Variants in DMC1 observed in about 807,000 individuals in gnomAD.
DMC1 encodes DNA meiotic recombinase 1.
A neutral mutation model predicts 50.1 loss-of-function variants in DMC1; 27 were observed. That is an observed-to-expected ratio of 0.54 (90% confidence interval 0.40 to 0.74). DMC1 has a LOEUF of 0.74. Among genes scored for constraint, DMC1 ranks in the 30% least tolerant of loss-of-function variants. The probability of loss-of-function intolerance (pLI) is 0.00; values close to 1 mark genes in which losing one functional copy is unlikely to be tolerated. For synonymous variants in DMC1, 148 were observed against 136.1 expected, an observed-to-expected ratio of 1.09 and a Z score of -0.61; for missense variants, 295 against 420.2, an observed-to-expected ratio of 0.70 and a Z score of 2.60.
At chr22:38,567,087 C>G (rs1569172979) in intron 3 of DMC1, among the ~76,000 whole-genome samples, 1 of 152,216 alleles carries the variant, frequency 6.6e-6, no homozygotes, top group African/African-American at 2.4e-5. Flanking sequence ...AACTTCATTA[C>G]CAACATGTTC....
chr22:38,520,388 G>A (rs753146481), intron 13 of DMC1, among the ~76,000 whole-genome samples: 2 of 150,356 alleles, frequency 1.3e-5, no homozygotes, highest in Admixed American at 6.6e-5. Flanking sequence ...TTTTTTTGGC[G>A]AAGTCTTGCT....
chr22:38,548,501 G>A (rs536368395), intron 8 of DMC1, among the ~76,000 whole-genome samples: 3 of 152,232 alleles, frequency 2.0e-5, no homozygotes, highest in Admixed American at 2.0e-4. Context: ...CTTGACCCTG[G>A]GAGTTCGAGT....
chr22:38,535,337 G>A (rs1270723889), intron 12 of DMC1, among the ~76,000 whole-genome samples: 3 of 150,754 alleles, frequency 2.0e-5, no homozygotes, highest in South Asian at 2.1e-4. Context: ...ACAAAAAACC[G>A]TATACACATA....
intron 12 of DMC1, among the ~76,000 whole-genome samples, chr22:38,537,207 CTTTTCTT>C (rs368102920): frequency 0.013 from 1,914 of 151,984 alleles, 8 homozygotes; most frequent in South Asian, 0.017. Flanking sequence ...TTTTTAAATT[CTTTTCTT>C]TTTTCTTTTT....
chr22:38,547,388 C>T (rs575922293), intron 8 of DMC1, among the ~76,000 whole-genome samples: 1 of 152,242 alleles, frequency 6.6e-6, no homozygotes, highest in African/African-American at 2.4e-5. Flanking sequence ...ATCTCTTTGC[C>T]TCTAATAGTG....
chr22:38,538,656 A>G (rs1053316108), intron 9 of DMC1, 44 bp from the exon 10 acceptor site: 4 of 1,514,120 alleles, frequency 2.6e-6, no homozygotes, highest in South Asian at 1.1e-5. Flanking sequence ...AGTTGAAAGA[A>G]GCAGAGGCTA....
intron 6 of DMC1, among the ~76,000 whole-genome samples, chr22:38,552,933 C>T (rs1452585023): frequency 1.3e-5 from 2 of 151,660 alleles, no homozygotes; most frequent in Non-Finnish European, 2.9e-5. Flanking sequence ...CTGCAACCTT[C>T]ACCTCCCGGG....
At chr22:38,545,245 C>T (rs900026329) in intron 8 of DMC1, among the ~76,000 whole-genome samples, 1 of 151,576 alleles carries the variant, frequency 6.6e-6, no homozygotes, top group African/African-American at 2.4e-5. Flanking sequence ...CCTATCTCTA[C>T]CAAAAAAATA....
chr22:38,542,077 T>C (rs2145883967), intron 8 of DMC1, among the ~76,000 whole-genome samples: 1 of 146,524 alleles, frequency 6.8e-6, no homozygotes, highest in South Asian at 2.2e-4. Flanking sequence ...ATAAAAACCA[T>C]ACACAACAGA....
In DMC1 at chr22:38,518,966, TTTTA is replaced by T. The variant is rs1452222770; in HGVS notation, c.*1050_*1053del. The T allele has an allele frequency of 6.6e-6, 1 of 152,650 alleles. No homozygotes were observed. Among genetic ancestry groups the T allele is most frequent in the Non-Finnish European group, 1.5e-5 (1 of 68,048 alleles). 9.5% of individuals were successfully genotyped at this position (152,650 alleles called of 1,614,324 possible). On this transcript the variant is annotated 3_prime_UTR_variant, in exon 14 of 14. Coordinates refer to ENST00000216024, the MANE Select transcript of DMC1 (RefSeq NM_007068.4). ...CCATACATGCATTTTGAAAACAGGA[TTTTA>T]TTTGTTTAACAATCAAAATAATATC...
chr22:38,532,962 C>T (rs1053667487), intron 12 of DMC1, among the ~76,000 whole-genome samples: 4 of 152,086 alleles, frequency 2.6e-5, no homozygotes, highest in Non-Finnish European at 5.9e-5. Context: ...AATATTGTTA[C>T]ATAGTAGATT....
intron 7 of DMC1, among the ~76,000 whole-genome samples, chr22:38,551,865 T>C (rs1039457139): frequency 6.3e-5 from 9 of 143,934 alleles, no homozygotes; most frequent in Non-Finnish European, 1.2e-4. Flanking sequence ...TCTTTTTTTT[T>C]TTTTTTTTTT....
At position 38,537,611 on chromosome 22, in the gene DMC1, CG is replaced by C; in HGVS notation, c.816del (p.Asp273IlefsTer6). On this transcript the variant is annotated frameshift_variant, in exon 12 of 14. Coordinates refer to ENST00000216024, the MANE Select transcript of DMC1 (RefSeq NM_007068.4). LOFTEE classifies it high-confidence loss of function. ...VAVFVTNQMT[A>X]DPGATMTFQA... ...GCTTACGTCATAGTTGCTCCTGGAT[CG>C]GCAGTCATTTGATTGGTCACAAAAA... is the stretch of plus-strand genomic sequence containing the variant. The C allele has an allele frequency of 1.2e-6, 2 of 1,613,910 alleles. No homozygotes were observed. The highest frequency in any genetic ancestry group is 1.7e-6 in the Non-Finnish European group (2 of 1,179,880).
intron 4 of DMC1, among the ~76,000 whole-genome samples, chr22:38,564,394 C>G (rs962906397): frequency 1.3e-5 from 2 of 152,176 alleles, no homozygotes; most frequent in Non-Finnish European, 2.9e-5. Flanking sequence ...ACTGCAACCT[C>G]TGCCTCTCAG....
chr22:38,509,708 C>T, the DMC1 span, among the ~76,000 whole-genome samples: 2 of 151,870 alleles, frequency 1.3e-5, no homozygotes, highest in Non-Finnish European at 2.9e-5. Flanking sequence ...CTCACTCTGT[C>T]GCCCAGGCTG....
downstream of DMC1, among the ~76,000 whole-genome samples, chr22:38,515,435 C>T (rs2089970017): frequency 6.7e-6 from 1 of 149,322 alleles, no homozygotes; most frequent in South Asian, 2.1e-4. Flanking sequence ...AGAGATTGCA[C>T]CATTGCACTC....
intron 13 of DMC1, 93 bp downstream of exon 13, chr22:38,521,515 G>A (rs895249922): frequency 3.5e-6 from 3 of 865,102 alleles, no homozygotes; most frequent in Middle Eastern, 3.5e-4. Flanking sequence ...ACCAGCTCGG[G>A]CAACATGGCA....
chr22:38,562,417 G>T, intron 4 of DMC1, 48 bp from the exon 5 acceptor site: 1 of 1,357,396 alleles, frequency 7.4e-7, no homozygotes, highest in Non-Finnish European at 1.1e-6. Context: ...AAAGATCATG[G>T]TTGTATTTTC....
At position 38,521,729 on chromosome 22, in the gene DMC1, A is replaced by G. The variant is rs780593779; in HGVS notation, c.837-5T>C. ...TTTTTGGGATCTGCCTGAAAGCTGA[A>G]TTAATAAAATACTCTTTCAGGTTTC... On this transcript the variant is annotated splice_region_variant and splice_polypyrimidine_tract_variant and intron_variant, in intron 12 of 13. Transcript: ENST00000216024. 5 of 1,582,966 alleles carry G rather than the reference A, an allele frequency of 3.2e-6. No individual in the cohort carries two copies. The highest frequency in any genetic ancestry group is 1.7e-4 in the Middle Eastern group (1 of 6,026).
Sources: gnomAD v4.1 joint callset for allele counts (sites outside exome capture counted in the v4.1 genomes callset) on GRCh38, gnomAD v4.1.1 for gene constraint, MANE v1.5 for transcripts, NCBI Gene and HGNC (gene_info 2026-07-23, HGNC 2026-07-21) for gene names.